The following FZR1 variants were observed in gnomAD, a reference collection of about 807,000 sequenced individuals.
FZR1 encodes fizzy and cell division cycle 20 related 1, also known as fizzy-related protein homolog.
FZR1 carries 11 observed loss-of-function variants against 63.6 expected under a neutral mutation model. The ratio of observed to expected loss-of-function variants is 0.17; its 90% CI spans 0.11 to 0.29. The LOEUF (loss-of-function observed/expected upper bound fraction) is 0.29. Ranked by LOEUF, FZR1 falls within the 10% of genes least tolerant of loss-of-function variation. The pLI is 1.00. For synonymous variants in FZR1, 328 were observed against 297.9 expected (o/e 1.10, Z -1.04); for missense variants, 440 against 687.5 (o/e 0.64, Z 4.03).
intron 1 of FZR1, among the ~76,000 whole-genome samples, chr19:3,509,724 C>T (rs2083011302): frequency 6.6e-6 from 1 of 152,194 alleles, no homozygotes; most frequent in Admixed American, 6.5e-5. Context: ...TTGTGTCTGG[C>T]ATCTCTCACT....
At chr19:3,508,030 C>T (rs1421764519) in intron 1 of FZR1, among the ~76,000 whole-genome samples, 1 of 151,812 alleles carries the variant, frequency 6.6e-6, no homozygotes, top group East Asian at 1.9e-4. Flanking sequence ...CAAGGTGGTA[C>T]CCGCCAGTTT....
rs748835333 is a variant in FZR1 at position 3,532,670 on chromosome 19, C to T, written c.1242+20C>T. ...GAGCTGGTGAGCACGGGCGGCCCGG[C>T]CTCCCACCAGGCCTCAGGATGTGCG... On this transcript the variant is annotated intron_variant, in intron 11 of 13. Transcript: ENST00000441788. The T allele has an allele frequency of 1.0e-5, 16 of 1,561,068 alleles. No homozygotes were observed. The South Asian group carries it at 1.3e-4, about 13-fold the overall frequency.
At chr19:3,517,719 G>C (rs1024495791) in intron 1 of FZR1, among the ~76,000 whole-genome samples, 6 of 151,826 alleles carry the variant, frequency 4.0e-5, no homozygotes, top group Admixed American at 6.6e-5. Flanking sequence ...ATTTTAAAAA[G>C]ATAAAAACTC....
chr19:3,523,940 C>A (rs546144352), intron 2 of FZR1, among the ~76,000 whole-genome samples: 2 of 152,362 alleles, frequency 1.3e-5, no homozygotes, highest in Non-Finnish European at 2.9e-5. Flanking sequence ...GCCTTCTCCC[C>A]CTGTGCGGTG....
intron 1 of FZR1, among the ~76,000 whole-genome samples, chr19:3,520,808 G>A (rs921457539): frequency 2.0e-5 from 3 of 152,240 alleles, no homozygotes; most frequent in African/African-American, 7.2e-5. Flanking sequence ...AGGACAGAGT[G>A]GTGCTCGGGA....
intron 1 of FZR1, among the ~76,000 whole-genome samples, chr19:3,509,593 C>G (rs113483575): frequency 6.6e-6 from 1 of 152,240 alleles, no homozygotes; most frequent in Non-Finnish European, 1.5e-5. Flanking sequence ...GGAGCATTCT[C>G]ATTCCCTCAG....
intron 7 of FZR1, 40 bp from the exon 8 acceptor site, chr19:3,530,752 C>T (rs142899592): frequency 3.2e-5 from 50 of 1,548,180 alleles, no homozygotes; most frequent in Middle Eastern, 1.7e-4. Flanking sequence ...ACTGGGGCTT[C>T]GAGACCAGCG....
At chr19:3,531,308 G>T (rs1044717903) in intron 8 of FZR1, among the ~76,000 whole-genome samples, 3 of 152,188 alleles carry the variant, frequency 2.0e-5, no homozygotes, top group African/African-American at 7.2e-5. Context: ...GTGTCCAGGC[G>T]TGTGCGCTCA....
At chr19:3,532,677 C>T in intron 11 of FZR1, 27 bp downstream of exon 11, 1 of 1,519,512 alleles carries the variant, frequency 6.6e-7, no homozygotes, top group Non-Finnish European at 9.1e-7. Flanking sequence ...CGGCCTCCCA[C>T]CAGGCCTCAG....
intron 7 of FZR1, among the ~76,000 whole-genome samples, chr19:3,530,465 T>TGGGAGAGCGCATGGGA (rs1568239060): frequency 1.9e-5 from 2 of 107,080 alleles, no homozygotes; most frequent in Admixed American, 9.0e-5. Flanking sequence ...AGCGCATGGA[T>TGGGAGAGCGCATGGGA]GAGCGCATGG....
At chr19:3,532,331 C>A in intron 10 of FZR1, 86 bp from the exon 11 acceptor site, 1 of 1,065,468 alleles carries the variant, frequency 9.4e-7, no homozygotes, top group African/African-American at 1.6e-5. Flanking sequence ...GGGTGGGGTG[C>A]CAGGGCAGGT....
rs560291301 is a variant in FZR1, at chr19:3,515,619, T to A, written c.-34-7337T>A. Among the ~76,000 whole-genome samples, 144 of 152,024 alleles carry A rather than the reference T, an allele frequency of 9.5e-4. No individual in the cohort carries two copies. Among genetic ancestry groups the A allele is most frequent in the African/African-American group, 3.3e-3 (137 of 41,462 alleles). On this transcript the variant is annotated intron_variant, in intron 1 of 13. Transcript: ENST00000441788. The surrounding 1 kb of genome is among the most constrained non-coding windows in gnomAD (Gnocchi z 4.6). ...CCGTCTCTACTAAAAATACAAAAAA[T>A]TAGGCACTACAGTGGCGGGCCCCTG... is the stretch of plus-strand genomic sequence containing the variant.
rs1417163360 is a variant in FZR1, at chr19:3,532,505, A to G, written c.1097A>G (p.His366Arg). 3.7e-6 allele frequency: 6 copies of G among 1,609,072 alleles called. No individual in the cohort carries two copies. In the Admixed American group the frequency reaches 6.7e-5, roughly 18 times the overall value. The change falls in exon 11 of 14, where the codon CAT becomes CGT. Residue 366 changes from histidine to arginine, a missense_variant. This residue lies in a region of FZR1 where 208 missense variants were observed against 363.6 expected (regional missense o/e 0.57). Coordinates refer to ENST00000441788, the MANE Select transcript of FZR1 (RefSeq NM_016263.4). The part of the protein sequence containing the change: ...AAVKAIAWSP[H>R]QHGLLASGGG... ...GTGAAGGCCATCGCCTGGTCCCCACATCAGCACGGGCTGCTGGCCTCGGGG... is the reference window on the plus strand; with the variant it reads ...GTGAAGGCCATCGCCTGGTCCCCACGTCAGCACGGGCTGCTGGCCTCGGGG...
At chr19:3,531,009 G>A in intron 8 of FZR1, 152 bp downstream of exon 8, 1 of 607,926 alleles carries the variant, frequency 1.6e-6, no homozygotes, top group Admixed American at 3.0e-5. Context: ...CGGCCTTAGT[G>A]TGGTCCTGGT....
Position 3,527,095 on chromosome 19 carries a change from C to A in FZR1, c.470+33C>A. ...CCAGCTTCCTCCGCAGCCCTCCCTA[C>A]TCCCTGTCTCCCGTCAGCAGCAAGA... On this transcript the variant is annotated intron_variant, in intron 6 of 13. Transcript: ENST00000441788. 5 of 1,463,448 alleles carry A rather than the reference C, an allele frequency of 3.4e-6. No homozygotes were observed. The South Asian group carries it at 3.4e-5, about 10-fold the overall frequency. The allele number at this position is 1,463,448 out of a possible 1,614,324, so 90.7% of individuals were successfully genotyped here.
chr19:3,529,569 AGAGCGGATGGGT>A (rs1245011044), intron 7 of FZR1, among the ~76,000 whole-genome samples: 11 of 140,816 alleles, frequency 7.8e-5, no homozygotes, highest in African/African-American at 2.2e-4. Context: ...AGTGGATGGG[AGAGCGGATGGGT>A]GAGTGGATGA....
At chr19:3,518,323 G>C (rs1272862254) in intron 1 of FZR1, among the ~76,000 whole-genome samples, 2 of 152,142 alleles carry the variant, frequency 1.3e-5, no homozygotes, top group African/African-American at 4.8e-5. Flanking sequence ...CGCCATGTTG[G>C]CTGATCTCAA....
In FZR1 at chr19:3,531,930, T is replaced by C; in HGVS notation, c.843T>C (p.Ala281=). Reference sequence around the variant, plus strand: ...CTCCAGGGGCGCTGGCCTGGAATGCTGAGCAGCTGTCGTCCGGGAGCCGCG... The same window carrying C: ...CTCCAGGGGCGCTGGCCTGGAATGCCGAGCAGCTGTCGTCCGGGAGCCGCG... ...TARVGALAWN[A]EQLSSGSRDR... Residue 281 remains alanine, a synonymous_variant, in exon 10 of 14, where the codon GCT becomes GCC. Transcript: ENST00000441788. The C allele has an allele frequency of 6.3e-7, 1 of 1,595,682 alleles. No individual in the cohort carries two copies. The highest frequency in any genetic ancestry group is 2.3e-5 in the East Asian group (1 of 44,216).
chr19:3,510,342 T>G (rs1040016138), intron 1 of FZR1, among the ~76,000 whole-genome samples: 5 of 152,128 alleles, frequency 3.3e-5, no homozygotes, highest in Non-Finnish European at 7.3e-5. Context: ...ACCATGTTGC[T>G]CAGGCTGGCC....
Sources: gnomAD v4.1 joint callset for allele counts (sites outside exome capture counted in the v4.1 genomes callset) on GRCh38, gnomAD v4.1.1 for gene constraint, gnomAD v4.1.1 regional missense constraint, Gnocchi (gnomAD v3.1) non-coding constraint, MANE v1.5 for transcripts, NCBI Gene and HGNC (gene_info 2026-07-23, HGNC 2026-07-21) for gene names.